FHIT: variants seen among roughly 807,000 people sequenced by gnomAD.
FHIT encodes the protein bis(5'-adenosyl)-triphosphatase.
In FHIT, 19 loss-of-function variants were observed where a neutral mutation model predicts 17.9. The observed-to-expected ratio is 1.06, with a 90% CI of 0.74 to 1.56. FHIT has a LOEUF of 1.56. Among genes scored for constraint, FHIT ranks in the 40% most tolerant of loss-of-function variants. The pLI, the probability that FHIT is intolerant of heterozygous loss-of-function variation, is 0.00. For missense variants in FHIT, 248 were observed against 189.2 expected (o/e 1.31, Z -1.82); for synonymous variants, 81 against 69.7 (o/e 1.16, Z -0.81).
intron 7 of FHIT, among the ~76,000 whole-genome samples, chr3:59,929,992 C>G (rs939501415): frequency 6.6e-6 from 1 of 151,732 alleles, no homozygotes; most frequent in African/African-American, 2.4e-5. Context: ...GAAAGGAGGC[C>G]AATATAGGAT....
chr3:60,890,772 T>C (rs1411721258), intron 3 of FHIT, among the ~76,000 whole-genome samples: 1 of 152,172 alleles, frequency 6.6e-6, no homozygotes, highest in Admixed American at 6.5e-5. Flanking sequence ...ATGATTAAGT[T>C]AGTTTGGGTC....
At chr3:61,112,661 T>C (rs1222341760) in intron 2 of FHIT, among the ~76,000 whole-genome samples, 2 of 152,174 alleles carry the variant, frequency 1.3e-5, no homozygotes, top group African/African-American at 4.8e-5. Flanking sequence ...TGCTGCTAAA[T>C]TGCACACAGG....
intron 2 of FHIT, among the ~76,000 whole-genome samples, chr3:61,179,993 C>T (rs2038288982): frequency 6.6e-6 from 1 of 152,090 alleles, no homozygotes; most frequent in South Asian, 2.1e-4. Flanking sequence ...ATAAAACAAC[C>T]ATTCTCTCCC....
intron 2 of FHIT, among the ~76,000 whole-genome samples, chr3:61,175,049 C>A (rs555713864): frequency 6.6e-6 from 1 of 151,982 alleles, no homozygotes. Flanking sequence ...GTCTGCGAAA[C>A]CCTCACGAAA....
intron 5 of FHIT, among the ~76,000 whole-genome samples, chr3:60,203,870 A>C (rs967435320): frequency 6.6e-6 from 1 of 152,186 alleles, no homozygotes; most frequent in African/African-American, 2.4e-5. Flanking sequence ...GTTCTCACTT[A>C]TTAGTGGGAG....
rs534987266 is a variant in FHIT at position 61,153,973 on chromosome 3, A to C, written c.-164+46644T>G. Among the ~76,000 whole-genome samples the C allele has an allele frequency of 2.6e-5, 4 of 152,330 alleles. No homozygotes were observed. In the South Asian group the frequency reaches 8.3e-4, roughly 32 times the overall value. On this transcript the variant is annotated intron_variant, in intron 2 of 9. Coordinates refer to ENST00000492590, the MANE Select transcript of FHIT (RefSeq NM_002012.4). Reference sequence around the variant, plus strand: ...AAAAACACAGTTTGCAACTATGTATATCTCCTCACATCAAAGTTTAACTCC... The same window carrying C: ...AAAAACACAGTTTGCAACTATGTATCTCTCCTCACATCAAAGTTTAACTCC...
intron 8 of FHIT, among the ~76,000 whole-genome samples, chr3:59,771,001 G>A (rs2106830929): frequency 6.6e-6 from 1 of 152,316 alleles, no homozygotes; most frequent in Non-Finnish European, 1.5e-5. Flanking sequence ...TTTCACATTT[G>A]CACATCGCCT....
At chr3:60,804,645 C>T (rs782196687) in intron 4 of FHIT, among the ~76,000 whole-genome samples, 2 of 152,176 alleles carry the variant, frequency 1.3e-5, no homozygotes, top group Non-Finnish European at 2.9e-5. Context: ...TGAGATAGCT[C>T]GGCCTTATGA....
At chr3:59,926,697 G>C (rs1705678931) in intron 7 of FHIT, among the ~76,000 whole-genome samples, 1 of 152,148 alleles carries the variant, frequency 6.6e-6, no homozygotes, top group African/African-American at 2.4e-5. Context: ...GTAAGGCTAG[G>C]AGAACAAAAT....
intron 5 of FHIT, among the ~76,000 whole-genome samples, chr3:60,066,138 TG>T (rs1356458786): frequency 2.0e-5 from 3 of 152,116 alleles, no homozygotes; most frequent in Non-Finnish European, 4.4e-5. Flanking sequence ...TAGGATGGGA[TG>T]GTGGGGATAG....
chr3:61,179,008 CTTTT>C (rs778191387), intron 2 of FHIT, among the ~76,000 whole-genome samples: 4 of 127,626 alleles, frequency 3.1e-5, no homozygotes, highest in Admixed American at 1.6e-4. Flanking sequence ...TTTTCTTTTT[CTTTT>C]TTTTTTTTTT....
chr3:60,654,684 T>C (rs1245445506), intron 4 of FHIT, among the ~76,000 whole-genome samples: 1 of 152,204 alleles, frequency 6.6e-6, no homozygotes, highest in Non-Finnish European at 1.5e-5. Context: ...CACCTGATTC[T>C]AGACACAATG....
intron 5 of FHIT, among the ~76,000 whole-genome samples, chr3:60,128,452 T>G (rs894645356): frequency 3.9e-5 from 6 of 152,220 alleles, no homozygotes; most frequent in African/African-American, 1.4e-4. Flanking sequence ...TCTCCAGCCA[T>G]GCTGAACTGT....
At chr3:60,367,402 A>C (rs1180097609) in intron 5 of FHIT, among the ~76,000 whole-genome samples, 1 of 152,194 alleles carries the variant, frequency 6.6e-6, no homozygotes, top group Non-Finnish European at 1.5e-5. Flanking sequence ...TTTCTAGAGA[A>C]TGCACTGTTT....
intron 2 of FHIT, among the ~76,000 whole-genome samples, chr3:61,068,209 G>C (rs185197230): frequency 1.3e-5 from 2 of 152,152 alleles, no homozygotes; most frequent in African/African-American, 2.4e-5. Context: ...GACACAACTC[G>C]CACCAAGCTC....
At chr3:60,557,853 T>C (rs1248854256) in intron 4 of FHIT, among the ~76,000 whole-genome samples, 1 of 152,096 alleles carries the variant, frequency 6.6e-6, no homozygotes, top group Non-Finnish European at 1.5e-5. Flanking sequence ...GCAGAATCTC[T>C]GAGCTCTGTA....
chr3:60,625,721 AAC>A lies in FHIT; in HGVS notation c.-17-88744_-17-88743del, dbSNP rs1210254025. ...TCAGCTTCTGGATGTTATCCATGGA[AAC>A]ACAAAAGTTTTTAATGCTTGTGTCT... On this transcript the variant is annotated intron_variant, in intron 4 of 9. Coordinates refer to ENST00000492590, the MANE Select transcript of FHIT (RefSeq NM_002012.4). Among the ~76,000 whole-genome samples, 7 of 152,290 alleles carry A rather than the reference AAC, an allele frequency of 4.6e-5. No individual in the cohort carries two copies. The East Asian group carries it at 1.3e-3, about 29-fold the overall frequency.
chr3:59,820,646 T>C (rs1700755052), intron 8 of FHIT, among the ~76,000 whole-genome samples: 1 of 152,200 alleles, frequency 6.6e-6, no homozygotes. Context: ...GCTGAGTAGT[T>C]TCAACAGAGA....
chr3:60,770,404 T>C (rs1188431340), intron 4 of FHIT, among the ~76,000 whole-genome samples: 5 of 152,202 alleles, frequency 3.3e-5, no homozygotes, highest in Non-Finnish European at 5.9e-5. Flanking sequence ...TCATGAATTC[T>C]TCCTTTTCAA....
Sources: allele counts gnomAD v4.1 joint callset (sites outside exome capture counted in the v4.1 genomes callset), GRCh38; gene constraint gnomAD v4.1.1; transcripts MANE v1.5; gene names NCBI Gene and HGNC (gene_info 2026-07-23, HGNC 2026-07-21).